Variants in SLC4A4 observed in about 807,000 individuals in gnomAD.
SLC4A4 encodes the protein electrogenic sodium bicarbonate cotransporter 1.
SLC4A4 carries 27 observed loss-of-function variants against 111.5 expected under a neutral mutation model. That is an observed-to-expected ratio of 0.24 (90% CI 0.18 to 0.33). The LOEUF (loss-of-function observed/expected upper bound fraction) is 0.33. Ranked by LOEUF, SLC4A4 falls within the 10% of genes least tolerant of loss-of-function variation. The probability of loss-of-function intolerance (pLI) is 1.00; values close to 1 mark genes in which losing one functional copy is unlikely to be tolerated. For missense variants in SLC4A4, 909 were observed against 1,315.5 expected (o/e 0.69, Z 4.78); for synonymous variants, 443 against 463.4 (o/e 0.96, Z 0.57).
At chr4:71,132,916 G>T (rs1472519748) in intron 2 of SLC4A4, among the ~76,000 whole-genome samples, 1 of 152,246 alleles carries the variant, frequency 6.6e-6, no homozygotes, top group Non-Finnish European at 1.5e-5. Flanking sequence ...GACAGAGACA[G>T]CTAAAGGCCA....
intron 6 of SLC4A4, among the ~76,000 whole-genome samples, chr4:71,378,774 GC>G (rs1033421444): frequency 2.0e-5 from 3 of 152,158 alleles, no homozygotes; most frequent in Admixed American, 1.3e-4. Flanking sequence ...CAGAAACGAG[GC>G]TTTTCTTTCC....
chr4:71,501,711 G>C (rs980602383), intron 16 of SLC4A4, among the ~76,000 whole-genome samples: 3 of 151,740 alleles, frequency 2.0e-5, no homozygotes, highest in Non-Finnish European at 4.4e-5. Flanking sequence ...ACCCAGGCTG[G>C]AGTGCAGTGG....
intron 1 of SLC4A4, among the ~76,000 whole-genome samples, chr4:71,208,347 T>G (rs1272652538): frequency 1.3e-5 from 2 of 151,374 alleles, no homozygotes; most frequent in Admixed American, 1.3e-4. Flanking sequence ...AGGAGAATGG[T>G]GTGAACCCGG....
chr4:71,333,898 T>TTTTTTTTTTTTTTTTTG lies in SLC4A4; in HGVS notation c.254-5472_254-5471insTTTTTTTTTTTTTTTTG, dbSNP rs1478636727. On this transcript the variant is annotated intron_variant, in intron 3 of 25. Coordinates refer to ENST00000264485, the MANE Select transcript of SLC4A4 (RefSeq NM_001098484.3). ...GTGAATGCTGCCAGGCCTGGGTTTC[T>TTTTTTTTTTTTTTTTTG]AACTTCAGGGAAGTGGGCTCTTCTC... is the stretch of plus-strand genomic sequence containing the variant. Among the ~76,000 whole-genome samples, 4 of 152,208 alleles carry TTTTTTTTTTTTTTTTTG rather than the reference T, an allele frequency of 2.6e-5. No homozygotes were observed. In the East Asian group the frequency reaches 7.8e-4, roughly 30 times the overall value.
intron 3 of SLC4A4, among the ~76,000 whole-genome samples, chr4:71,277,543 TTTCTTTCTCTTTCTCTTTTTCTTTCC>T (rs1170572381): frequency 1.3e-5 from 2 of 151,642 alleles, no homozygotes; most frequent in South Asian, 2.1e-4. Context: ...TCTCTTTTTC[TTTCTTTCTCTTTCTCTTTTTCTTTCC>T]TTCCTTCCTT....
At chr4:71,501,367 A>G (rs891090095) in intron 16 of SLC4A4, among the ~76,000 whole-genome samples, 1 of 152,010 alleles carries the variant, frequency 6.6e-6, no homozygotes, top group Non-Finnish European at 1.5e-5. Context: ...ATGTAAGATC[A>G]TGTTGTCTGC....
intron 1 of SLC4A4, among the ~76,000 whole-genome samples, chr4:71,091,252 AAT>A (rs1491160477): frequency 9.2e-6 from 1 of 108,262 alleles, no homozygotes; most frequent in African/African-American, 3.4e-5. Flanking sequence ...CTGGCCTTGA[AAT>A]TTTTTTTTTT....
At chr4:71,564,068 C>T (rs1737241103) in intron 24 of SLC4A4, among the ~76,000 whole-genome samples, 179 bp downstream of exon 24, 1 of 151,848 alleles carries the variant, frequency 6.6e-6, no homozygotes, top group South Asian at 2.1e-4. Context: ...CTTCATTCTT[C>T]CTTTTATCCA....
intron 20 of SLC4A4, among the ~76,000 whole-genome samples, chr4:71,549,965 A>G (rs987387622): frequency 6.6e-6 from 1 of 151,922 alleles, no homozygotes. Context: ...GTAAGAGATC[A>G]GTGAGCATGA....
chr4:71,487,109 C>A, intron 15 of SLC4A4, 91 bp downstream of exon 15: 1 of 777,566 alleles, frequency 1.3e-6, no homozygotes, highest in Non-Finnish European at 2.2e-6. Flanking sequence ...TCTTCTACCA[C>A]TCAGCAATTC....
intron 2 of SLC4A4, among the ~76,000 whole-genome samples, chr4:71,109,059 AT>A (rs1353658505): frequency 7.2e-5 from 11 of 151,746 alleles, no homozygotes; most frequent in African/African-American, 2.2e-4. Context: ...ATATCTTGTG[AT>A]TTTTTGTTGA....
In SLC4A4 at chr4:71,569,002, A is replaced by T. The variant is rs371743397; in HGVS notation, c.*1251A>T. 2 of 151,842 alleles carry T rather than the reference A, an allele frequency of 1.3e-5. No homozygotes were observed. Among genetic ancestry groups the T allele is most frequent in the East Asian group, 2.0e-4 (1 of 5,114 alleles). The allele number at this position is 151,842 out of a possible 1,614,324, so 9.4% of individuals were successfully genotyped here. A position where few individuals can be genotyped will look rare whatever the true frequency, so the allele number is the denominator to read the frequency against. ...TTACCACGTCAATGTCCTATGCAGT[A>T]TTGTTAGACATTTTCTCATTTTGAA... On this transcript the variant is annotated 3_prime_UTR_variant, in exon 26 of 26. Coordinates refer to ENST00000264485, the MANE Select transcript of SLC4A4 (RefSeq NM_001098484.3).
At chr4:71,455,190 A>G (rs1188336895) in intron 12 of SLC4A4, among the ~76,000 whole-genome samples, 3 of 152,200 alleles carry the variant, frequency 2.0e-5, no homozygotes, top group African/African-American at 7.2e-5. Flanking sequence ...TGATTTTTAA[A>G]TATTGGCAAC....
intron 1 of SLC4A4, chr4:71,235,948 A>T: frequency 1.4e-6 from 1 of 731,020 alleles, no homozygotes; most frequent in Non-Finnish European, 1.7e-6. Flanking sequence ...GTTGCTGGAT[A>T]ATCCTCAGAT....
At position 71,337,213 on chromosome 4, in the gene SLC4A4, A is replaced by G. The variant is rs553352258; in HGVS notation, c.254-2157A>G. On this transcript the variant is annotated intron_variant, in intron 3 of 25. Coordinates refer to ENST00000264485, the MANE Select transcript of SLC4A4 (RefSeq NM_001098484.3). ...ATATACCATGTTAACTGAAATTTGA[A>G]CTGTATTGTTAGGGACTATGTTATT... 2.0e-5 allele frequency among the ~76,000 whole-genome samples: 3 copies of G among 152,336 alleles called. No individual in the cohort carries two copies. In the East Asian group the frequency reaches 5.8e-4, roughly 29 times the overall value.
intron 2 of SLC4A4, among the ~76,000 whole-genome samples, chr4:71,250,676 C>G (rs1227652110): frequency 6.6e-6 from 1 of 152,068 alleles, no homozygotes; most frequent in Non-Finnish European, 1.5e-5. Context: ...ATGCTCACTA[C>G]GGGTTTGCCT....
intron 2 of SLC4A4, among the ~76,000 whole-genome samples, chr4:71,181,064 A>G (rs1362425252): frequency 6.6e-6 from 1 of 152,040 alleles, no homozygotes; most frequent in African/African-American, 2.4e-5. Context: ...TGTCCTTTGT[A>G]GGGACATGGA....
At chr4:71,300,549 G>T in intron 3 of SLC4A4, 1 of 256,522 alleles carries the variant, frequency 3.9e-6, no homozygotes, top group South Asian at 5.9e-5. Flanking sequence ...CTAGATTCAG[G>T]AGCACACCAA....
chr4:71,179,500 A>G (rs1308593601), intron 2 of SLC4A4, among the ~76,000 whole-genome samples: 1 of 152,184 alleles, frequency 6.6e-6, no homozygotes, highest in Non-Finnish European at 1.5e-5. Flanking sequence ...AAGCAACTTC[A>G]GCAAAGTCTC....
Sources: gnomAD v4.1 joint callset for allele counts (sites outside exome capture counted in the v4.1 genomes callset) on GRCh38, gnomAD v4.1.1 for gene constraint, MANE v1.5 for transcripts, NCBI Gene and HGNC (gene_info 2026-07-23, HGNC 2026-07-21) for gene names.